Variants in FAM135A observed in about 807,000 individuals in gnomAD.
FAM135A encodes the protein family with sequence similarity 135 member A, also known as protein FAM135A.
Under a neutral mutation model 146.8 loss-of-function variants are expected in FAM135A, and 79 were observed. The observed-to-expected ratio is 0.54, with a 90% confidence interval of 0.45 to 0.65. The LOEUF (loss-of-function observed/expected upper bound fraction) is 0.65, where lower values mean the gene tolerates loss of function less well. Ranked by LOEUF, FAM135A falls within the 30% of genes least tolerant of loss-of-function variation. The pLI is 0.00. For synonymous variants in FAM135A, 562 were observed against 603.6 expected, an observed-to-expected ratio of 0.93 and a Z score of 1.01; for missense variants, 1,623 against 1,758.2, an observed-to-expected ratio of 0.92 and a Z score of 1.38.
At position 70,451,732 on chromosome 6, in the gene FAM135A, GA is replaced by G. The variant is rs535210608; in HGVS notation, c.78-755del. Among the ~76,000 whole-genome samples the G allele has an allele frequency of 4.3e-3, 654 of 152,038 alleles. 1 individual carries two copies. The highest frequency in any genetic ancestry group is 0.014 in the Middle Eastern group (4 of 294). ...AACCGCTCTCTAGGATATTATTGAA[GA>G]AAAACAAACATTAAATATTCACCTC... On this transcript the variant is annotated intron_variant, in intron 4 of 21. Transcript: ENST00000418814.
chr6:70,455,088 G>T (rs1166484446), intron 5 of FAM135A, among the ~76,000 whole-genome samples: 2 of 151,980 alleles, frequency 1.3e-5, no homozygotes, highest in Non-Finnish European at 2.9e-5. Context: ...ATTTGTTTGT[G>T]TCCTCTTTTA....
intron 4 of FAM135A, among the ~76,000 whole-genome samples, chr6:70,442,385 G>A (rs1320216216): frequency 1.3e-5 from 2 of 151,434 alleles, no homozygotes; most frequent in Non-Finnish European, 2.9e-5. Flanking sequence ...TGTTGTTTAG[G>A]GATTGACATT....
Position 70,477,192 on chromosome 6 carries a change from T to C in FAM135A, c.402T>C (p.Ser134=), listed in dbSNP as rs760497986. Residue 134 remains serine, a synonymous_variant, in exon 8 of 22, where the codon AGT becomes AGC. Coordinates refer to ENST00000418814, the MANE Select transcript of FAM135A (RefSeq NM_001162529.3). The stretch of plus-strand genomic sequence containing the variant: ...ATCTGAATGCCTTGCAACTAATAAG[T>C]AGCCGAACATTGAAGCTGCACTTTA... ...ADDLNALQLI[S]SRTLKLHFSP... is the part of the protein sequence containing the mutation. 6 of 1,613,552 alleles carry C rather than the reference T, an allele frequency of 3.7e-6. No homozygotes were observed. The Admixed American group carries it at 6.7e-5, about 18-fold the overall frequency.
intron 7 of FAM135A, 135 bp from the exon 8 acceptor site, chr6:70,477,024 T>A: frequency 1.2e-6 from 1 of 852,654 alleles, no homozygotes; most frequent in East Asian, 2.8e-5. Flanking sequence ...GCAACTTTGA[T>A]GCTTTAAAAA....
At chr6:70,466,484 A>G (rs1381805492) in intron 5 of FAM135A, among the ~76,000 whole-genome samples, 1 of 152,190 alleles carries the variant, frequency 6.6e-6, no homozygotes, top group Non-Finnish European at 1.5e-5. Context: ...TCCCAGAAGA[A>G]AAGTTGAACA....
chr6:70,520,367 G>A (rs1381007915), intron 12 of FAM135A, among the ~76,000 whole-genome samples: 1 of 152,066 alleles, frequency 6.6e-6, no homozygotes, highest in African/African-American at 2.4e-5. Flanking sequence ...AGGTAGCATA[G>A]ATATTAGATA....
Position 70,525,046 on chromosome 6 carries a change from T to C in FAM135A, c.1962T>C (p.Val654=), listed in dbSNP as rs746737622. The change falls in exon 15 of 22, where the codon GTT becomes GTC. Residue 654 remains valine (V), a synonymous_variant. Transcript: ENST00000418814. ...ATCAAACAACCCCATCTTTGGGAGTTAGAACAATTGAAATAAAGCCCAGTA... is the reference window on the plus strand; with the variant it reads ...ATCAAACAACCCCATCTTTGGGAGTCAGAACAATTGAAATAAAGCCCAGTA... ...HDHQTTPSLG[V]RTIEIKPSNK... 32 of 1,592,578 alleles carry C rather than the reference T, an allele frequency of 2.0e-5. No individual in the cohort carries two copies. Among genetic ancestry groups the C allele is most frequent in the Admixed American group, 5.4e-5 (3 of 55,436 alleles).
intron 5 of FAM135A, among the ~76,000 whole-genome samples, chr6:70,474,698 C>T (rs939163088): frequency 2.0e-5 from 3 of 152,168 alleles, no homozygotes; most frequent in African/African-American, 4.8e-5. Flanking sequence ...TTCCTCCTCT[C>T]GAACATCCAG....
intron 20 of FAM135A, among the ~76,000 whole-genome samples, chr6:70,548,992 G>T (rs1799338551): frequency 6.6e-6 from 1 of 152,020 alleles, no homozygotes; most frequent in African/African-American, 2.4e-5. Context: ...TTGCCATTAG[G>T]TTGGTAAAAT....
chr6:70,557,196 G>T (rs1017915545), intron 21 of FAM135A: 1 of 397,256 alleles, frequency 2.5e-6, no homozygotes, highest in African/African-American at 2.0e-5. Flanking sequence ...TTACGCAAAG[G>T]TGGCAGCAAG....
chr6:70,482,255 TAC>T lies in FAM135A; in HGVS notation c.823+103_823+104del, dbSNP rs2128184884. On this transcript the variant is annotated intron_variant, in intron 10 of 21. Coordinates refer to ENST00000418814, the MANE Select transcript of FAM135A (RefSeq NM_001162529.3). ...TGCCATAGTTTTTCTATACTAAAAC[TAC>T]AGTGTTTGTGTGCTTCACTTCTCTA... 5 of 1,190,108 alleles carry T rather than the reference TAC, an allele frequency of 4.2e-6. No individual in the cohort carries two copies. In the South Asian group the frequency reaches 8.7e-5, roughly 21 times the overall value. The allele number at this position is 1,190,108 out of a possible 1,614,324, so 73.7% of individuals were successfully genotyped here.
At chr6:70,558,466 C>T (rs1269223290) in intron 21 of FAM135A, among the ~76,000 whole-genome samples, 2 of 152,168 alleles carry the variant, frequency 1.3e-5, no homozygotes, top group African/African-American at 2.4e-5. Context: ...GTATTCTAAT[C>T]GTTATCTTTT....
intron 4 of FAM135A, among the ~76,000 whole-genome samples, chr6:70,443,464 G>A (rs1775015443): frequency 6.6e-6 from 1 of 152,216 alleles, no homozygotes; most frequent in Admixed American, 6.5e-5. Context: ...ATGTGGTATA[G>A]TCTACGTGTG....
chr6:70,492,656 TAAA>T (rs368818336), intron 11 of FAM135A, among the ~76,000 whole-genome samples: 3 of 128,166 alleles, frequency 2.3e-5, no homozygotes, highest in Non-Finnish European at 3.5e-5. Flanking sequence ...AACACCCTTG[TAAA>T]AAAAAAAAAA....
chr6:70,533,544 C>T (rs1796222485), intron 17 of FAM135A, among the ~76,000 whole-genome samples: 1 of 152,032 alleles, frequency 6.6e-6, no homozygotes, highest in African/African-American at 2.4e-5. Context: ...ACAAATAATG[C>T]AAGTATTTTA....
At chr6:70,528,515 A>G in intron 16 of FAM135A, 63 bp downstream of exon 16, 1 of 1,300,028 alleles carries the variant, frequency 7.7e-7, no homozygotes, top group Non-Finnish European at 1.0e-6. Flanking sequence ...AATAGATCTC[A>G]TTTAGTTTCA....
chr6:70,550,230 T>C (rs1231040815), intron 20 of FAM135A, among the ~76,000 whole-genome samples: 3 of 152,232 alleles, frequency 2.0e-5, no homozygotes, highest in Non-Finnish European at 4.4e-5. Context: ...CCTCCTCCCA[T>C]GAATCATGAA....
chr6:70,532,232 T>C (rs2128399066), intron 16 of FAM135A, among the ~76,000 whole-genome samples: 1 of 152,274 alleles, frequency 6.6e-6, no homozygotes, highest in African/African-American at 2.4e-5. Flanking sequence ...TCAAACATGT[T>C]ATAACAAATT....
At chr6:70,419,426 A>G (rs796903936) in intron 2 of FAM135A, among the ~76,000 whole-genome samples, 2 of 152,188 alleles carry the variant, frequency 1.3e-5, no homozygotes, top group East Asian at 1.9e-4. Context: ...CTCAAAAAAA[A>G]AAAAAAAGTA....
Sources: allele counts gnomAD v4.1 joint callset (sites outside exome capture counted in the v4.1 genomes callset), GRCh38; gene constraint gnomAD v4.1.1; transcripts MANE v1.5; gene names NCBI Gene and HGNC (gene_info 2026-07-23, HGNC 2026-07-21).